Variants in SCAPER observed in about 807,000 individuals in gnomAD.
The protein encoded by SCAPER is S-phase cyclin A associated protein in the ER, also known as S phase cyclin A-associated protein in the endoplasmic reticulum.
In SCAPER, 98 loss-of-function variants were observed where a neutral mutation model predicts 182.2. The observed-to-expected ratio is 0.54, with a 90% CI of 0.46 to 0.64. The LOEUF (loss-of-function observed/expected upper bound fraction) is 0.64. Among genes scored for constraint, SCAPER ranks in the 30% least tolerant of loss-of-function variants. The pLI is 0.00. For missense variants in SCAPER, 1,432 were observed against 1,690.0 expected (o/e 0.85, Z 2.68); for synonymous variants, 605 against 564.6 (o/e 1.07, Z -1.01).
chr15:76,667,845 C>T (rs376192827), intron 20 of SCAPER, among the ~76,000 whole-genome samples: 1 of 151,524 alleles, frequency 6.6e-6, no homozygotes, highest in Admixed American at 6.6e-5. Flanking sequence ...TACCTGTAAT[C>T]CCAGCTACCT....
At chr15:76,364,125 C>A (rs1368085728) in intron 29 of SCAPER, among the ~76,000 whole-genome samples, 1 of 152,204 alleles carries the variant, frequency 6.6e-6, no homozygotes, top group Non-Finnish European at 1.5e-5. Context: ...TATACATGAT[C>A]AAGTCAAAAT....
intron 24 of SCAPER, among the ~76,000 whole-genome samples, chr15:76,489,834 T>TAA (rs2052099286): frequency 6.6e-6 from 1 of 152,192 alleles, no homozygotes; most frequent in South Asian, 2.1e-4. Context: ...ACCATAGTTC[T>TAA]GCTCTCTGCT....
At chr15:76,785,849 G>A (rs911702158) in intron 8 of SCAPER, among the ~76,000 whole-genome samples, 1 of 152,056 alleles carries the variant, frequency 6.6e-6, no homozygotes, top group African/African-American at 2.4e-5. Flanking sequence ...ACACAGGGTG[G>A]GGAACATCAC....
chr15:76,402,105 C>T (rs186983905), intron 27 of SCAPER, among the ~76,000 whole-genome samples: 5 of 152,026 alleles, frequency 3.3e-5, no homozygotes, highest in African/African-American at 9.7e-5. Flanking sequence ...CCAGCCTGGG[C>T]GACAGAGTGA....
intron 15 of SCAPER, among the ~76,000 whole-genome samples, chr15:76,734,890 A>C (rs545422256): frequency 2.8e-4 from 43 of 152,230 alleles, no homozygotes; most frequent in African/African-American, 7.2e-4. Flanking sequence ...CTCTCTATAT[A>C]TATATATATG....
At chr15:76,449,384 T>A (rs1441945969) in intron 25 of SCAPER, among the ~76,000 whole-genome samples, 1 of 152,184 alleles carries the variant, frequency 6.6e-6, no homozygotes, top group African/African-American at 2.4e-5. Flanking sequence ...ATGAAAGTCT[T>A]TGCCCTAGAA....
At chr15:76,795,525 T>G in intron 7 of SCAPER, 85 bp from the exon 8 acceptor site, 1 of 1,037,126 alleles carries the variant, frequency 9.6e-7, no homozygotes, top group Non-Finnish European at 1.3e-6. Context: ...AAAATTTAAA[T>G]TATGCATATG....
intron 4 of SCAPER, 112 bp from the exon 5 acceptor site, chr15:76,842,043 G>A: frequency 1.1e-6 from 1 of 907,102 alleles, no homozygotes; most frequent in East Asian, 2.6e-5. Context: ...GAAATAAAAA[G>A]CATCTGTACT....
chr15:76,366,365 A>G (rs967419889), intron 29 of SCAPER, among the ~76,000 whole-genome samples: 3 of 152,230 alleles, frequency 2.0e-5, no homozygotes, highest in African/African-American at 7.2e-5. Context: ...TCATAACCTA[A>G]TAGCTGCCAG....
At chr15:76,466,419 C>CTCTTCTTTT (rs754649564) in intron 25 of SCAPER, among the ~76,000 whole-genome samples, 1 of 37,394 alleles carries the variant, frequency 2.7e-5, no homozygotes, top group African/African-American at 7.8e-5. Flanking sequence ...GTTGGTTCTT[C>CTCTTCTTTT]TTTTTTTTTT....
At chr15:76,845,887 G>T (rs904542392) in intron 4 of SCAPER, among the ~76,000 whole-genome samples, 9 of 151,780 alleles carry the variant, frequency 5.9e-5, no homozygotes, top group African/African-American at 1.9e-4. Context: ...AATACCCAAG[G>T]TTATCCTACA....
At chr15:76,743,878 G>A (rs899349351) in intron 15 of SCAPER, among the ~76,000 whole-genome samples, 2 of 152,070 alleles carry the variant, frequency 1.3e-5, no homozygotes, top group Non-Finnish European at 2.9e-5. Context: ...CACATTACCC[G>A]ACTTCCAACT....
At chr15:76,489,790 A>G (rs990032948) in intron 24 of SCAPER, among the ~76,000 whole-genome samples, 1 of 151,738 alleles carries the variant, frequency 6.6e-6, no homozygotes, top group Non-Finnish European at 1.5e-5. Flanking sequence ...TTGATTAGCA[A>G]CTCCCTATTT....
At chr15:76,484,571 G>C (rs961161114) in intron 24 of SCAPER, among the ~76,000 whole-genome samples, 2 of 152,066 alleles carry the variant, frequency 1.3e-5, no homozygotes, top group African/African-American at 2.4e-5. Context: ...GTACAAAGAA[G>C]AGCTGGTATT....
intron 20 of SCAPER, among the ~76,000 whole-genome samples, chr15:76,675,062 T>C (rs1056635064): frequency 6.6e-6 from 1 of 152,204 alleles, no homozygotes; most frequent in Non-Finnish European, 1.5e-5. Context: ...GGAATGCCAA[T>C]GAGGCAGGAT....
chr15:76,672,878 T>A (rs947678944), intron 20 of SCAPER, among the ~76,000 whole-genome samples: 2 of 151,930 alleles, frequency 1.3e-5, no homozygotes, highest in African/African-American at 4.8e-5. Context: ...CACAATACAC[T>A]CGAAAATACT....
intron 23 of SCAPER, among the ~76,000 whole-genome samples, chr15:76,519,892 T>C (rs1461747326): frequency 6.6e-6 from 1 of 152,204 alleles, no homozygotes; most frequent in African/African-American, 2.4e-5. Context: ...AGGCTTCACA[T>C]TTCATTTCTA....
chr15:76,493,275 T>C (rs1370449542), intron 24 of SCAPER, among the ~76,000 whole-genome samples: 1 of 152,192 alleles, frequency 6.6e-6, no homozygotes, highest in Non-Finnish European at 1.5e-5. Flanking sequence ...ACAAAATTAA[T>C]GTTAAAATTA....
At chr15:76,664,046 G>C (rs2056393516) in intron 21 of SCAPER, among the ~76,000 whole-genome samples, 1 of 152,140 alleles carries the variant, frequency 6.6e-6, no homozygotes, top group Admixed American at 6.6e-5. Flanking sequence ...GGTGACATTT[G>C]ATCAAAGACC....
Sources: allele counts gnomAD v4.1 joint callset (sites outside exome capture counted in the v4.1 genomes callset), GRCh38; gene constraint gnomAD v4.1.1; transcripts MANE v1.5; gene names NCBI Gene and HGNC (gene_info 2026-07-23, HGNC 2026-07-21).